Variants in BCKDHB observed in about 807,000 individuals in gnomAD.
BCKDHB encodes the protein branched chain keto acid dehydrogenase E1 subunit beta, also known as 2-oxoisovalerate dehydrogenase subunit beta, mitochondrial.
In BCKDHB, 41 loss-of-function variants were observed where a neutral mutation model predicts 48.5. That is an observed-to-expected ratio of 0.85 (90% CI 0.66 to 1.10). The LOEUF (loss-of-function observed/expected upper bound fraction) is 1.10, where lower values mean the gene tolerates loss of function less well. Ranked by LOEUF, BCKDHB falls within the 50% of genes least tolerant of loss-of-function variation. The pLI is 0.00. For missense variants in BCKDHB, 496 were observed against 494.2 expected (o/e 1.00, Z -0.03); for synonymous variants, 201 against 174.8 (o/e 1.15, Z -1.18).
intron 9 of BCKDHB, among the ~76,000 whole-genome samples, chr6:80,309,583 T>G (rs974097401): frequency 6.6e-5 from 10 of 152,104 alleles, no homozygotes; most frequent in South Asian, 2.1e-4. Context: ...CTGTGGTTTT[T>G]TTTGTTTGTT....
chr6:80,392,178 G>A, the BCKDHB span, among the ~76,000 whole-genome samples: 1 of 151,990 alleles, frequency 6.6e-6, no homozygotes, highest in African/African-American at 2.4e-5. Flanking sequence ...ATTTTTGGTA[G>A]AGGCAGGGCT....
chr6:80,424,104 C>CT, the BCKDHB span, among the ~76,000 whole-genome samples: 1 of 152,152 alleles, frequency 6.6e-6, no homozygotes, highest in Non-Finnish European at 1.5e-5. Context: ...TGCCAACTGT[C>CT]TTTTAGCTAA....
chr6:80,166,384 G>T (rs1013070480), intron 3 of BCKDHB, among the ~76,000 whole-genome samples: 6 of 152,050 alleles, frequency 3.9e-5, no homozygotes, highest in Non-Finnish European at 8.8e-5. Context: ...AGCCAGGCCC[G>T]GTAGCTCATG....
At chr6:80,215,074 T>TAA (rs983887469) in intron 8 of BCKDHB, among the ~76,000 whole-genome samples, 2 of 151,482 alleles carry the variant, frequency 1.3e-5, no homozygotes, top group African/African-American at 2.4e-5. Context: ...GCCTCTAATA[T>TAA]AAAAAAAAAC....
At position 80,343,741 on chromosome 6, in the gene BCKDHB, A is replaced by G; in HGVS notation, c.1116A>G (p.Glu372=). 2 of 1,613,970 alleles carry G rather than the reference A, an allele frequency of 1.2e-6. No individual in the cohort carries two copies. Among genetic ancestry groups the G allele is most frequent in the Non-Finnish European group, 1.7e-6 (2 of 1,179,946 alleles). ...ACACACCATTTCCTCACATTTTTGA[A>G]CCATTCTACATCCCAGACAAATGGA... ...GYDTPFPHIF[E]PFYIPDKWKC... The change falls in exon 10 of 10, where the codon GAA becomes GAG. Residue 372 remains glutamate, a synonymous_variant. Coordinates refer to ENST00000320393, the MANE Select transcript of BCKDHB (RefSeq NM_183050.4).
chr6:80,166,809 T>C (rs1772594369), intron 3 of BCKDHB, among the ~76,000 whole-genome samples: 1 of 152,212 alleles, frequency 6.6e-6, no homozygotes, highest in South Asian at 2.1e-4. Context: ...TCAATTGATG[T>C]CAGTGTTTTC....
At chr6:80,416,631 A>G in the BCKDHB span, among the ~76,000 whole-genome samples, 1 of 151,712 alleles carries the variant, frequency 6.6e-6, no homozygotes, top group Non-Finnish European at 1.5e-5. Flanking sequence ...TGATCGTGCT[A>G]TTGTCCTAGA....
At chr6:80,374,550 T>G in the BCKDHB span, 1 of 707,102 alleles carries the variant, frequency 1.4e-6, no homozygotes, top group South Asian at 1.5e-5. Flanking sequence ...GTTCTCCCGG[T>G]CAAGTGTATA....
intron 3 of BCKDHB, among the ~76,000 whole-genome samples, chr6:80,156,873 CT>C (rs1472994562): frequency 6.6e-6 from 1 of 152,088 alleles, no homozygotes; most frequent in African/African-American, 2.4e-5. Flanking sequence ...ATATTTTTTA[CT>C]GTTAATTTGA....
chr6:80,200,884 T>C (rs543879569), intron 6 of BCKDHB, 50 bp from the exon 7 acceptor site: 1 of 1,379,714 alleles, frequency 7.2e-7, no homozygotes, highest in Non-Finnish European at 1.0e-6. Flanking sequence ...TATGCACAAG[T>C]GTCACCTCAG....
intron 3 of BCKDHB, among the ~76,000 whole-genome samples, chr6:80,161,475 A>T (rs1772315726): frequency 1.3e-5 from 2 of 152,162 alleles, no homozygotes; most frequent in African/African-American, 4.8e-5. Flanking sequence ...CAAAGAAACT[A>T]GCTCCCCTTA....
At chr6:80,264,584 G>T (rs1232485521) in intron 8 of BCKDHB, among the ~76,000 whole-genome samples, 1 of 152,036 alleles carries the variant, frequency 6.6e-6, no homozygotes, top group African/African-American at 2.4e-5. Context: ...AGATTTTTCA[G>T]GAGAGGAGTG....
intron 3 of BCKDHB, among the ~76,000 whole-genome samples, chr6:80,143,817 C>T (rs989445335): frequency 1.3e-5 from 2 of 152,150 alleles, no homozygotes; most frequent in Middle Eastern, 3.2e-3. Context: ...GTGGTGGCAT[C>T]TAGCCAATCA....
At chr6:80,327,873 TTTTTTCCCTCCCC>T (rs550158127) in intron 9 of BCKDHB, among the ~76,000 whole-genome samples, 36 of 151,954 alleles carry the variant, frequency 2.4e-4, no homozygotes, top group African/African-American at 6.5e-4. Flanking sequence ...TTCCTTTCTC[TTTTTTCCCTCCCC>T]TTTTCCCCTC....
chr6:80,316,609 C>A (rs1223906188), intron 9 of BCKDHB, among the ~76,000 whole-genome samples: 1 of 152,148 alleles, frequency 6.6e-6, no homozygotes, highest in Admixed American at 6.5e-5. Context: ...GTACTTCCCA[C>A]AAGGAATTCT....
At chr6:80,180,708 T>G (rs1240085418) in intron 6 of BCKDHB, among the ~76,000 whole-genome samples, 1 of 152,182 alleles carries the variant, frequency 6.6e-6, no homozygotes, top group African/African-American at 2.4e-5. Context: ...TCATATATTT[T>G]GAAGAGACGA....
intron 6 of BCKDHB, among the ~76,000 whole-genome samples, chr6:80,188,607 TCCAG>T (rs1056123406): frequency 4.6e-5 from 7 of 151,884 alleles, no homozygotes; most frequent in African/African-American, 1.7e-4. Context: ...ACCACTGCAC[TCCAG>T]CCTGGGCGAT....
At chr6:80,367,619 T>G in the BCKDHB span, among the ~76,000 whole-genome samples, 1 of 152,248 alleles carries the variant, frequency 6.6e-6, no homozygotes, top group East Asian at 1.9e-4. Context: ...GGAGTTTATT[T>G]GAACATCATT....
At chr6:80,126,941 T>G (rs1770374001) in intron 1 of BCKDHB, among the ~76,000 whole-genome samples, 1 of 152,162 alleles carries the variant, frequency 6.6e-6, no homozygotes, top group African/African-American at 2.4e-5. Context: ...ATGTACTGCT[T>G]CATTTATTCC....
Sources: allele counts gnomAD v4.1 joint callset (sites outside exome capture counted in the v4.1 genomes callset), GRCh38; gene constraint gnomAD v4.1.1; transcripts MANE v1.5; gene names NCBI Gene and HGNC (gene_info 2026-07-23, HGNC 2026-07-21).